BARHL2: variants seen among roughly 807,000 people sequenced by gnomAD.
The protein encoded by BARHL2 is barH-like 2 homeobox protein.
Under a neutral mutation model 27.1 loss-of-function variants are expected in BARHL2, and 10 were observed. That is an observed-to-expected ratio of 0.37 (90% CI 0.23 to 0.63). The LOEUF (loss-of-function observed/expected upper bound fraction) is 0.63, where lower values mean the gene tolerates loss of function less well. BARHL2 is among the 20% of genes least tolerant of loss of function. The pLI is 0.65. For missense variants in BARHL2, 483 were observed against 533.5 expected (o/e 0.91, Z 0.93); for synonymous variants, 248 against 224.7 (o/e 1.10, Z -0.93).
In BARHL2 at chr1:90,717,049, T is replaced by C. The variant is rs1658166888; in HGVS notation, c.147A>G (p.Pro49=). Reference sequence around the variant, plus strand: ...CGGTATCAATCTCCGAACAGGGAGATGGGGTGGCCTGACTCCTAAAATCCG... The same window carrying C: ...CGGTATCAATCTCCGAACAGGGAGACGGGGTGGCCTGACTCCTAAAATCCG... ...RTADFRSQAT[P]SPCSEIDTVG... The change falls in exon 1 of 3, where the codon CCA becomes CCG. Residue 49 remains proline (P), a synonymous_variant. Transcript: ENST00000370445. The C allele has an allele frequency of 1.2e-6, 2 of 1,613,886 alleles. No homozygotes were observed. Among genetic ancestry groups the C allele is most frequent in the Non-Finnish European group, 8.5e-7 (1 of 1,179,936 alleles).
At chr1:90,715,918 G>T (rs1488077988) in intron 1 of BARHL2, among the ~76,000 whole-genome samples, 1 of 151,958 alleles carries the variant, frequency 6.6e-6, no homozygotes, top group African/African-American at 2.4e-5. Context: ...CTAAGTACTT[G>T]TAAGGGGCCA....
rs374223614 is a variant in BARHL2 at position 90,712,636 on chromosome 1, C to T, written c.852-12G>A. On this transcript the variant is annotated splice_polypyrimidine_tract_variant and intron_variant, in intron 2 of 2. Coordinates refer to ENST00000370445, the MANE Select transcript of BARHL2 (RefSeq NM_020063.2). ...GCTTCCACTTGGTCCTGAAAGAAAG[C>T]GGGTGTGCAGGCACCCAGCAGCTGT... 56 of 1,593,458 alleles carry T rather than the reference C, an allele frequency of 3.5e-5. No individual in the cohort carries two copies. In the South Asian group the frequency reaches 4.5e-4, roughly 13 times the overall value.
chr1:90,711,782 G>A lies in BARHL2; in HGVS notation c.*530C>T, dbSNP rs1658036502. Reference sequence around the variant, plus strand: ...CATGCCACTTTTCCAAAAGAAAAAAGGTCATGAGAAATCAGTGCAAAGTTC... The same window carrying A: ...CATGCCACTTTTCCAAAAGAAAAAAAGTCATGAGAAATCAGTGCAAAGTTC... On this transcript the variant is annotated 3_prime_UTR_variant, in exon 3 of 3. Transcript: ENST00000370445. 6.6e-6 allele frequency: 1 copy of A among 151,118 alleles called. No homozygotes were observed. Among genetic ancestry groups the A allele is most frequent in the Non-Finnish European group, 1.5e-5 (1 of 67,906 alleles). 9.4% of individuals were successfully genotyped at this position (151,118 alleles called of 1,614,324 possible).
At position 90,712,127 on chromosome 1, in the gene BARHL2, G is replaced by A; in HGVS notation, c.*185C>T. On this transcript the variant is annotated 3_prime_UTR_variant, in exon 3 of 3. Coordinates refer to ENST00000370445, the MANE Select transcript of BARHL2 (RefSeq NM_020063.2). ...GTTTCTAGGGGTGGGGAGATGGAGAGCAGAGGGCTGGCTCCTCTTTGGGGG... is the reference window on the plus strand; with the variant it reads ...GTTTCTAGGGGTGGGGAGATGGAGAACAGAGGGCTGGCTCCTCTTTGGGGG... 2 of 525,992 alleles carry A rather than the reference G, an allele frequency of 3.8e-6. No individual in the cohort carries two copies. The highest frequency in any genetic ancestry group is 6.2e-6 in the Non-Finnish European group (2 of 321,930). 32.6% of individuals were successfully genotyped at this position (525,992 alleles called of 1,614,324 possible). A position where few individuals can be genotyped will look rare whatever the true frequency, so the allele number is the denominator to read the frequency against.
At chr1:90,714,493 G>A in intron 2 of BARHL2, 38 bp downstream of exon 2, 1 of 1,568,536 alleles carries the variant, frequency 6.4e-7, no homozygotes. Flanking sequence ...TGACTTAAAT[G>A]GCCAGACACC....
At chr1:90,714,871 A>G (rs1338426503) in intron 1 of BARHL2, 115 bp from the exon 2 acceptor site, 8 of 875,954 alleles carry the variant, frequency 9.1e-6, no homozygotes, top group Non-Finnish European at 1.3e-5. Context: ...GGGGGACTGC[A>G]CTCTGCCACC....
chr1:90,712,761 A>G (rs1224851737), intron 2 of BARHL2, 137 bp from the exon 3 acceptor site: 37 of 878,428 alleles, frequency 4.2e-5, no homozygotes, highest in Non-Finnish European at 6.0e-5. Context: ...GACCTCTTCA[A>G]ACTGGCAATG....
At position 90,714,680 on chromosome 1, in the gene BARHL2, T is replaced by C; in HGVS notation, c.702A>G (p.Lys234=). 6.2e-7 allele frequency: 1 copy of C among 1,614,190 alleles called. No individual in the cohort carries two copies. Among genetic ancestry groups the C allele is most frequent in the Non-Finnish European group, 8.5e-7 (1 of 1,180,042 alleles). ...SPPVRAKKPR[K]ARTAFSDHQL... ...GGTGGTCGGAAAAAGCTGTCCTTGC[T>C]TTTCGAGGCTTCTTGGCTCTCACAG... Residue 234 remains lysine, a synonymous_variant, in exon 2 of 3, where the codon AAA becomes AAG. Coordinates refer to ENST00000370445, the MANE Select transcript of BARHL2 (RefSeq NM_020063.2).
rs1203094471 is a variant in BARHL2, at chr1:90,716,861, T to C, written c.335A>G (p.Gln112Arg). 1.3e-6 allele frequency: 2 copies of C among 1,561,478 alleles called. No homozygotes were observed. Among genetic ancestry groups the C allele is most frequent in the Non-Finnish European group, 1.7e-6 (2 of 1,153,988 alleles). Residue 112 changes from glutamine (Q) to arginine (R), a missense_variant, in exon 1 of 3, where the codon CAG (glutamine) becomes CGG (arginine). Gln to Arg is a conservative substitution (Grantham distance 43). Around this residue, in one of 3 missense-constraint regions of BARHL2, gnomAD observed 304 missense variants for 284.9 expected, o/e 1.07. Transcript: ENST00000370445. ...CGGCTGCTGTGGCGGCAGCGGCTGC[T>C]GCTGTTGGGGCAAAGGCTGCAAACT... is the stretch of plus-strand genomic sequence containing the variant. Reference protein sequence around the residue: ...TQSLQPLPQQQQPLPPQQPPP... With the variant: ...TQSLQPLPQQRQPLPPQQPPP...
At chr1:90,714,253 T>G (rs547356131) in intron 2 of BARHL2, among the ~76,000 whole-genome samples, 1 of 152,152 alleles carries the variant, frequency 6.6e-6, no homozygotes, top group Admixed American at 6.5e-5. Context: ...GATTTGGGGA[T>G]GAAGTGGGGG....
intron 2 of BARHL2, among the ~76,000 whole-genome samples, chr1:90,713,437 C>T (rs1007590457): frequency 6.6e-6 from 1 of 152,216 alleles, no homozygotes; most frequent in Non-Finnish European, 1.5e-5. Flanking sequence ...TGCTCAAATA[C>T]CTTATGAAGG....
intron 1 of BARHL2, 25 bp downstream of exon 1, chr1:90,716,546 G>A (rs2100643083): frequency 1.9e-6 from 3 of 1,610,672 alleles, no homozygotes; most frequent in Non-Finnish European, 2.5e-6. Context: ...CTAGACGGCC[G>A]AGAGCGCCGG....
At chr1:90,713,228 A>G (rs1658074340) in intron 2 of BARHL2, among the ~76,000 whole-genome samples, 1 of 152,160 alleles carries the variant, frequency 6.6e-6, no homozygotes, top group Non-Finnish European at 1.5e-5. Context: ...GGATGGCAAC[A>G]AGGTCTCAAA....
rs1279888630 is a variant in BARHL2 at position 90,714,725 on chromosome 1, C to T, written c.657G>A (p.Thr219=). Reference sequence around the variant, plus strand: ...TCACAGGGGGACTCTCACGGCTACTCGTAATCTCCCGGTCTCCTTCCTCCT... The same window carrying T: ...TCACAGGGGGACTCTCACGGCTACTTGTAATCTCCCGGTCTCCTTCCTCCT... ...GTKEEGDREI[T]SSRESPPVRA... Residue 219 remains threonine, a synonymous_variant, in exon 2 of 3, where the codon ACG becomes ACA. Coordinates refer to ENST00000370445, the MANE Select transcript of BARHL2 (RefSeq NM_020063.2). 12 of 1,614,052 alleles carry T rather than the reference C, an allele frequency of 7.4e-6. No individual in the cohort carries two copies. Among genetic ancestry groups the T allele is most frequent in the South Asian group, 4.4e-5 (4 of 91,090 alleles).
In BARHL2 at chr1:90,716,807, G is replaced by A. The variant is rs1230062780; in HGVS notation, c.389C>T (p.Ser130Leu). ...GGAAGTCCTGGGGGCCGAGGCGGCC[G>A]AGCCCAGCTGCTGGGGGGGCGGCGG... ...PPPPPPQQLG[S>L]AASAPRTSTS... is the part of the protein sequence containing the mutation. Residue 130 changes from serine to leucine, a missense_variant, in exon 1 of 3, where the codon TCG becomes TTG. Coordinates refer to ENST00000370445, the MANE Select transcript of BARHL2 (RefSeq NM_020063.2). 6 of 1,552,466 alleles carry A rather than the reference G, an allele frequency of 3.9e-6. No individual in the cohort carries two copies. Among genetic ancestry groups the A allele is most frequent in the South Asian group, 2.4e-5 (2 of 84,394 alleles).
Position 90,712,515 on chromosome 1 carries a change from G to C in BARHL2, c.961C>G (p.Leu321Val), listed in dbSNP as rs925346873. ...FPSPYFYHPSLLGSMDSTTAA... is the reference protein window; with the variant it reads ...FPSPYFYHPSVLGSMDSTTAA... ...GTAGTGCTGTCCATGCTGCCCAGCA[G>C]GCTTGGGTGATAGAAATAAGGCGAT... is the stretch of plus-strand genomic sequence containing the variant. The change falls in exon 3 of 3, where the codon CTG (leucine) becomes GTG (valine). Residue 321 changes from leucine (L) to valine (V), a missense_variant. Around this residue, in one of 3 missense-constraint regions of BARHL2, gnomAD observed 130 missense variants for 138.0 expected, o/e 0.94. Transcript: ENST00000370445. 1.9e-6 allele frequency: 3 copies of C among 1,613,978 alleles called. No homozygotes were observed. In the African/African-American group the frequency reaches 4.0e-5, roughly 22 times the overall value.
rs1307721452 is a variant in BARHL2 at position 90,712,009 on chromosome 1, T to C, written c.*303A>G. 1 of 251,900 alleles carries C rather than the reference T, an allele frequency of 4.0e-6. No individual in the cohort carries two copies. The highest frequency in any genetic ancestry group is 7.5e-6 in the Non-Finnish European group (1 of 133,248). The allele number at this position is 251,900 out of a possible 1,614,324, so 15.6% of individuals were successfully genotyped here. A position where few individuals can be genotyped will look rare whatever the true frequency, so the allele number is the denominator to read the frequency against. The stretch of plus-strand genomic sequence containing the variant: ...CATTTTTGAAAAAGAATTTGAGGTT[T>C]TGTTTTTGTTGATGTTTTCACTTAC... On this transcript the variant is annotated 3_prime_UTR_variant, in exon 3 of 3. Transcript: ENST00000370445.
chr1:90,713,755 A>G (rs1183231088), intron 2 of BARHL2, among the ~76,000 whole-genome samples: 17 of 152,184 alleles, frequency 1.1e-4, no homozygotes, highest in Admixed American at 1.1e-3. Context: ...GTTCCACTCT[A>G]CACTTCGTGG....
rs1158418903 is a variant in BARHL2 at position 90,711,819 on chromosome 1, C to T, written c.*493G>A. ...TCAGTGCAAAGTTCTCAGTTACCCT[C>T]CTCTTTTCTCTGGGGCAGACGGAAT... On this transcript the variant is annotated 3_prime_UTR_variant, in exon 3 of 3. Coordinates refer to ENST00000370445, the MANE Select transcript of BARHL2 (RefSeq NM_020063.2). 6.6e-6 allele frequency: 1 copy of T among 152,308 alleles called. No individual in the cohort carries two copies. Among genetic ancestry groups the T allele is most frequent in the Non-Finnish European group, 1.5e-5 (1 of 68,248 alleles). 9.4% of individuals were successfully genotyped at this position (152,308 alleles called of 1,614,324 possible).
Sources: gnomAD v4.1 joint callset for allele counts (sites outside exome capture counted in the v4.1 genomes callset) on GRCh38, gnomAD v4.1.1 for gene constraint, gnomAD v4.1.1 regional missense constraint, MANE v1.5 for transcripts, NCBI Gene and HGNC (gene_info 2026-07-23, HGNC 2026-07-21) for gene names.